SCNN1B: variants seen among roughly 807,000 people sequenced by gnomAD.
The protein encoded by SCNN1B is epithelial sodium channel subunit beta.
A neutral mutation model predicts 65.3 loss-of-function variants in SCNN1B; 46 were observed. The ratio of observed to expected loss-of-function variants is 0.70; its 90% CI spans 0.56 to 0.90. The LOEUF is 0.90. SCNN1B is among the 40% of genes least tolerant of loss of function. The pLI, the probability that SCNN1B is intolerant of heterozygous loss-of-function variation, is 0.00. For synonymous variants in SCNN1B, 349 were observed against 330.6 expected (o/e 1.06, Z -0.60); for missense variants, 751 against 830.5 (o/e 0.90, Z 1.18).
intron 1 of SCNN1B, among the ~76,000 whole-genome samples, chr16:23,319,504 A>G (rs1042686696): frequency 6.6e-6 from 1 of 152,196 alleles, no homozygotes; most frequent in Non-Finnish European, 1.5e-5. Flanking sequence ...TTCATGACAC[A>G]TGGAAATCAA....
At chr16:23,360,457 AAGGATCACTTG>A (rs1962524851) in intron 4 of SCNN1B, among the ~76,000 whole-genome samples, 1 of 151,840 alleles carries the variant, frequency 6.6e-6, no homozygotes, top group Non-Finnish European at 1.5e-5. Context: ...GCTGAGGGGG[AAGGATCACTTG>A]AGCCTCGGAG....
At position 23,342,330 on chromosome 16, in the gene SCNN1B, C is replaced by G. The variant is rs535178598; in HGVS notation, c.-8-6262C>G. On this transcript the variant is annotated intron_variant, in intron 1 of 12. Coordinates refer to ENST00000343070, the MANE Select transcript of SCNN1B (RefSeq NM_000336.3). ...TGGCACAATCTCTGCTCACTGCAAA[C>G]TCTGCCTCCCAGGCTCAAGCAAGTC... 2.0e-5 allele frequency among the ~76,000 whole-genome samples: 3 copies of G among 152,358 alleles called. No homozygotes were observed. The East Asian group carries it at 5.8e-4, about 29-fold the overall frequency.
intron 5 of SCNN1B, among the ~76,000 whole-genome samples, chr16:23,370,353 G>A (rs1281083580): frequency 1.3e-5 from 2 of 152,176 alleles, no homozygotes; most frequent in East Asian, 1.9e-4. Context: ...TGATCTGCCC[G>A]CTTCAGCCTC....
At chr16:23,355,525 G>C (rs1339635176) in intron 4 of SCNN1B, 36 bp downstream of exon 4, 6 of 1,605,542 alleles carry the variant, frequency 3.7e-6, no homozygotes. Context: ...GCCAGGCCCT[G>C]GCACCGAGAG....
intron 2 of SCNN1B, 32 bp from the exon 3 acceptor site, chr16:23,352,769 C>A (rs367923058): frequency 6.2e-7 from 1 of 1,613,230 alleles, no homozygotes; most frequent in African/African-American, 1.3e-5. Flanking sequence ...GATATGCATT[C>A]CTTCCCCCTA....
intron 1 of SCNN1B, among the ~76,000 whole-genome samples, chr16:23,309,376 A>G (rs1187895223): frequency 6.6e-6 from 1 of 151,764 alleles, no homozygotes; most frequent in Non-Finnish European, 1.5e-5. Context: ...CAGAACTCAT[A>G]GGATGGATGG....
At chr16:23,315,865 A>T (rs1381599806) in intron 1 of SCNN1B, among the ~76,000 whole-genome samples, 1 of 152,170 alleles carries the variant, frequency 6.6e-6, no homozygotes, top group Admixed American at 6.5e-5. Flanking sequence ...TAATCTGCAC[A>T]TAATAACCCT....
intron 2 of SCNN1B, among the ~76,000 whole-genome samples, chr16:23,290,323 T>C (rs540044232): frequency 1.3e-5 from 2 of 152,302 alleles, no homozygotes; most frequent in East Asian, 3.9e-4. Context: ...TTTGTTTCTT[T>C]TGGAGTCAGG....
intron 7 of SCNN1B, among the ~76,000 whole-genome samples, chr16:23,374,603 G>GAAA (rs1962854512): frequency 7.1e-6 from 1 of 140,468 alleles, no homozygotes; most frequent in Non-Finnish European, 1.5e-5. Flanking sequence ...AAAAAAGAAT[G>GAAA]TAAAACACTT....
In SCNN1B at chr16:23,293,114, C is replaced by CAAAAAAAAAAA. The variant is rs1191618996; in HGVS notation, n.178+9328_178+9338dup. Among the ~76,000 whole-genome samples, 15 of 34,180 alleles carry CAAAAAAAAAAA rather than the reference C, an allele frequency of 4.4e-4. 1 individual carries two copies. The highest frequency in any genetic ancestry group is 5.7e-4 in the Non-Finnish European group (9 of 15,856). 22.4% of individuals were successfully genotyped at this position (34,180 alleles called of 152,430 possible). A position where few individuals can be genotyped will look rare whatever the true frequency, so the allele number is the denominator to read the frequency against. On this transcript the variant is annotated intron_variant and non_coding_transcript_variant, in intron 2 of 3. Transcript: ENST00000569789. ...TGGGCAATACAGGGAGACTCATTCT[C>CAAAAAAAAAAA]AAAAAAAAAAAAAAAAAAAAAAAAA...
intron 4 of SCNN1B, among the ~76,000 whole-genome samples, chr16:23,358,045 C>T (rs1962456518): frequency 6.6e-6 from 1 of 152,234 alleles, no homozygotes; most frequent in African/African-American, 2.4e-5. Context: ...ACTCCCTACC[C>T]ATCCAACGGG....
Position 23,371,374 on chromosome 16 carries a change from T to G in SCNN1B, c.956T>G (p.Met319Arg). The change falls in exon 6 of 13, where the codon ATG (methionine) becomes AGG (arginine). Residue 319 changes from methionine to arginine, a missense_variant. Met to Arg is a moderately conservative substitution (Grantham distance 91, BLOSUM62 -1). Coordinates refer to ENST00000343070, the MANE Select transcript of SCNN1B (RefSeq NM_000336.3). ...GCGTCCACGGCCGGGGTCAGGCTGA[T>G]GCTTCACGAGCAGAGGTCATACCCC... ...FLASTAGVRL[M>R]LHEQRSYPFI... 1 of 1,614,146 alleles carries G rather than the reference T, an allele frequency of 6.2e-7. No homozygotes were observed. The highest frequency in any genetic ancestry group is 8.5e-7 in the Non-Finnish European group (1 of 1,180,018).
At chr16:23,288,444 T>C (rs1028310472) in intron 2 of SCNN1B, among the ~76,000 whole-genome samples, 2 of 152,186 alleles carry the variant, frequency 1.3e-5, no homozygotes, top group Admixed American at 1.3e-4. Context: ...TTTCTGCCAG[T>C]CAGGAACCCC....
chr16:23,339,253 T>G (rs892879746), intron 1 of SCNN1B, among the ~76,000 whole-genome samples: 35 of 152,190 alleles, frequency 2.3e-4, no homozygotes, highest in African/African-American at 6.8e-4. Context: ...TGCCGTAATT[T>G]ATTTATTTCT....
chr16:23,349,885 G>T (rs534265964), intron 2 of SCNN1B, among the ~76,000 whole-genome samples: 2 of 152,086 alleles, frequency 1.3e-5, no homozygotes, highest in East Asian at 3.9e-4. Flanking sequence ...ATTACTCGAG[G>T]TCAGGAGTTT....
At chr16:23,351,032 G>C (rs1962298925) in intron 2 of SCNN1B, among the ~76,000 whole-genome samples, 1 of 152,196 alleles carries the variant, frequency 6.6e-6, no homozygotes, top group African/African-American at 2.4e-5. Flanking sequence ...CTTGAAGCCA[G>C]GAGTTCAAGG....
At chr16:23,314,303 C>T (rs752194206) in intron 1 of SCNN1B, among the ~76,000 whole-genome samples, 2 of 152,182 alleles carry the variant, frequency 1.3e-5, no homozygotes, top group African/African-American at 4.8e-5. Context: ...GCTGGGATTA[C>T]AGGCGTGAAC....
chr16:23,292,847 G>A (rs941587745), intron 2 of SCNN1B, among the ~76,000 whole-genome samples: 5 of 150,444 alleles, frequency 3.3e-5, no homozygotes, highest in African/African-American at 1.2e-4. Context: ...GGGTGCAGTG[G>A]CTCACGCCTG....
intron 1 of SCNN1B, among the ~76,000 whole-genome samples, chr16:23,321,308 C>T (rs1961582581): frequency 6.6e-6 from 1 of 152,178 alleles, no homozygotes. Flanking sequence ...TCCCGAAGTG[C>T]TGTGATTACA....
Sources: gnomAD v4.1 joint callset for allele counts (sites outside exome capture counted in the v4.1 genomes callset) on GRCh38, gnomAD v4.1.1 for gene constraint, MANE v1.5 for transcripts, NCBI Gene and HGNC (gene_info 2026-07-23, HGNC 2026-07-21) for gene names.